The following FGF13 variants were observed in gnomAD, a reference collection of about 807,000 sequenced individuals.
FGF13 encodes fibroblast growth factor homologous factor 2.
In FGF13, 2 loss-of-function variants were observed where a neutral mutation model predicts 19.5. That is an observed-to-expected ratio of 0.10 (90% CI 0.04 to 0.32). The LOEUF is 0.32. Among genes scored for constraint, FGF13 ranks in the 10% least tolerant of loss-of-function variants. The pLI, the probability that FGF13 is intolerant of heterozygous loss-of-function variation, is 1.00. For missense variants in FGF13, 113 were observed against 192.7 expected (o/e 0.59, Z 2.45); for synonymous variants, 72 against 76.9 (o/e 0.94, Z 0.33).
intron 3 of FGF13, among the ~76,000 whole-genome samples, chrX:138,849,036 G>A (rs972644446): frequency 6.3e-5 from 7 of 111,654 alleles, no homozygotes; most frequent in African/African-American, 2.3e-4. Flanking sequence ...ACGATAGTAG[G>A]TGGGAATCGA....
At position 138,726,080 on chromosome X, in the gene FGF13, G is replaced by A. The variant is rs141698873; in HGVS notation, c.28+13162C>T. On this transcript the variant is annotated intron_variant, in intron 1 of 4. Coordinates refer to the FGF13 transcript ENST00000305414. Reference sequence around the variant, plus strand: ...TACTCTGGGCATCTACTTCCACACCGATAAAATGACAGATCTAAGTTACAT... The same window carrying A: ...TACTCTGGGCATCTACTTCCACACCAATAAAATGACAGATCTAAGTTACAT... Among the ~76,000 whole-genome samples the A allele has an allele frequency of 2.3e-3, 252 of 111,208 alleles. 2 individuals carry two copies. In the East Asian group the frequency reaches 0.051, roughly 23 times the overall value.
At chrX:139,118,644 C>T (rs1256037010) in intron 1 of FGF13, among the ~76,000 whole-genome samples, 1 of 111,363 alleles carries the variant, frequency 9.0e-6, no homozygotes, top group African/African-American at 3.3e-5. Flanking sequence ...CCCTTCACTC[C>T]CTACCTTAAA....
At chrX:139,017,508 T>C (rs764228527) in intron 1 of FGF13, among the ~76,000 whole-genome samples, 19 of 110,529 alleles carry the variant, frequency 1.7e-4, no homozygotes, top group African/African-American at 3.9e-4. Flanking sequence ...AGAACAAACA[T>C]TGGTTAAGAG....
At chrX:138,676,614 G>T (rs775293413) in intron 3 of FGF13, among the ~76,000 whole-genome samples, 46 of 111,246 alleles carry the variant, frequency 4.1e-4, no homozygotes, top group African/African-American at 1.5e-3. Context: ...CACGGATGGG[G>T]GTGGTGGAAG....
chrX:138,996,025 C>T (rs2092040937), intron 1 of FGF13, among the ~76,000 whole-genome samples: 1 of 111,702 alleles, frequency 9.0e-6, no homozygotes. Context: ...TGTACAGGTA[C>T]CCCAAATAAA....
At chrX:138,705,171 G>C (rs1292555490) in intron 2 of FGF13, among the ~76,000 whole-genome samples, 1 of 111,739 alleles carries the variant, frequency 8.9e-6, no homozygotes, top group African/African-American at 3.2e-5. Context: ...ACCTAGTTTA[G>C]TCATAGTAAT....
chrX:138,992,974 C>T (rs751064666), intron 1 of FGF13, among the ~76,000 whole-genome samples: 2 of 111,979 alleles, frequency 1.8e-5, no homozygotes, highest in Non-Finnish European at 3.8e-5. Context: ...AAATTATGTA[C>T]CTCTTGATAT....
intron 1 of FGF13, among the ~76,000 whole-genome samples, chrX:138,873,003 CTTAA>C (rs1407550579): frequency 9.0e-6 from 1 of 111,296 alleles, no homozygotes; most frequent in East Asian, 2.8e-4. Flanking sequence ...CATTTTACTT[CTTAA>C]TTTGTTTGCA....
intron 3 of FGF13, among the ~76,000 whole-genome samples, chrX:138,752,704 ACTGT>A (rs1647333643): frequency 8.9e-6 from 1 of 111,936 alleles, no homozygotes. Flanking sequence ...CAGACATAGG[ACTGT>A]CTGTCCTCTG....
intron 1 of FGF13, among the ~76,000 whole-genome samples, chrX:139,097,099 T>C (rs2083475641): frequency 9.0e-6 from 1 of 111,701 alleles, no homozygotes. Context: ...AGAAATGAAA[T>C]CCAGCAATGT....
rs374407883 is a variant in FGF13, at chrX:138,848,201, G to A, written c.217+9311C>T. 3.6e-5 allele frequency among the ~76,000 whole-genome samples: 4 copies of A among 111,840 alleles called. No homozygotes were observed. The East Asian group carries it at 8.5e-4, about 24-fold the overall frequency. On this transcript the variant is annotated intron_variant, in intron 3 of 6. Transcript: ENST00000436198. Reference sequence around the variant, plus strand: ...CAAACAAGTAAGGGAACTTCAGAAAGGTGTGTGTGCACATGGTGGGAAAGA... The same window carrying A: ...CAAACAAGTAAGGGAACTTCAGAAAAGTGTGTGTGCACATGGTGGGAAAGA...
chrX:139,113,925 C>T (rs1340536997), intron 1 of FGF13, among the ~76,000 whole-genome samples: 3 of 111,864 alleles, frequency 2.7e-5, no homozygotes, highest in Admixed American at 9.5e-5. Context: ...TCAGATTCTC[C>T]GGTGTCTCTA....
chrX:138,746,776 A>T (rs1226875097), intron 3 of FGF13, among the ~76,000 whole-genome samples: 2 of 112,489 alleles, frequency 1.8e-5, no homozygotes, highest in Admixed American at 1.9e-4. Context: ...GAACTCGAAT[A>T]ATGTATGCAA....
chrX:138,941,480 G>T (rs184276711), intron 1 of FGF13, among the ~76,000 whole-genome samples: 149 of 111,699 alleles, frequency 1.3e-3, no homozygotes, highest in Non-Finnish European at 2.2e-3. Flanking sequence ...AAAATACCCA[G>T]GAATGCAGCT....
chrX:138,644,265 A>C (rs1295760173), intron 3 of FGF13, among the ~76,000 whole-genome samples: 1 of 110,431 alleles, frequency 9.1e-6, no homozygotes, highest in Non-Finnish European at 1.9e-5. Context: ...ATATTCTTGT[A>C]CCTCAGGATT....
intron 3 of FGF13, among the ~76,000 whole-genome samples, chrX:138,813,528 G>A (rs897420248): frequency 2.7e-5 from 3 of 111,746 alleles, no homozygotes; most frequent in Admixed American, 9.5e-5. Flanking sequence ...CCACCCTCTA[G>A]GGCAATGATG....
intron 1 of FGF13, among the ~76,000 whole-genome samples, chrX:139,142,770 T>G (rs907344770): frequency 9.0e-6 from 1 of 111,677 alleles, no homozygotes; most frequent in African/African-American, 3.3e-5. Context: ...ACTGATCAGT[T>G]TTTTCTTACT....
At chrX:138,756,685 C>G (rs943865600) in intron 3 of FGF13, among the ~76,000 whole-genome samples, 1 of 111,850 alleles carries the variant, frequency 8.9e-6, no homozygotes, top group Non-Finnish European at 1.9e-5. Context: ...TTTGTCAGAC[C>G]GCAGCCTTCA....
intron 3 of FGF13, among the ~76,000 whole-genome samples, chrX:138,816,794 T>A (rs2090964788): frequency 9.0e-6 from 1 of 111,635 alleles, no homozygotes; most frequent in Non-Finnish European, 1.9e-5. Context: ...CTATTGTTAC[T>A]GTTAGGGTAT....
Sources: gnomAD v4.1 joint callset for allele counts (sites outside exome capture counted in the v4.1 genomes callset) on GRCh38, gnomAD v4.1.1 for gene constraint, MANE v1.5 for transcripts, NCBI Gene and HGNC (gene_info 2026-07-23, HGNC 2026-07-21) for gene names.